Variants in ASIC2 observed in about 807,000 individuals in gnomAD.
ASIC2 encodes the protein acid-sensing ion channel 2.
A neutral mutation model predicts 57.3 loss-of-function variants in ASIC2; 25 were observed. The ratio of observed to expected loss-of-function variants is 0.44; its 90% CI spans 0.32 to 0.61. The LOEUF is 0.61. ASIC2 is among the 20% of genes least tolerant of loss of function. The pLI, the probability that ASIC2 is intolerant of heterozygous loss-of-function variation, is 0.06. For missense variants in ASIC2, 641 were observed against 738.1 expected, an observed-to-expected ratio of 0.87 and a Z score of 1.52; for synonymous variants, 319 against 307.5, an observed-to-expected ratio of 1.04 and a Z score of -0.39.
At chr17:33,517,704 T>C (rs1264324355) in intron 1 of ASIC2, among the ~76,000 whole-genome samples, 2 of 91,168 alleles carry the variant, frequency 2.2e-5, no homozygotes, top group East Asian at 7.1e-4. Flanking sequence ...TGTTGTGGGG[T>C]TGGGGGAGGG....
intron 1 of ASIC2, among the ~76,000 whole-genome samples, chr17:33,346,967 C>T (rs412602): frequency 0.61 from 92,445 of 151,974 alleles, 28,237 homozygotes; most frequent in Middle Eastern, 0.69. Context: ...AAAAGTTTTG[C>T]TGTGAAGAGA....
At chr17:33,915,607 C>T (rs1166087391) in intron 1 of ASIC2, among the ~76,000 whole-genome samples, 2 of 152,168 alleles carry the variant, frequency 1.3e-5, no homozygotes, top group Non-Finnish European at 1.5e-5. Flanking sequence ...ATCACACACT[C>T]GATACTTAAC....
chr17:33,805,858 C>A (rs1912253267), intron 1 of ASIC2, among the ~76,000 whole-genome samples: 1 of 152,192 alleles, frequency 6.6e-6, no homozygotes, highest in African/African-American at 2.4e-5. Flanking sequence ...TCCCTTGGAG[C>A]TAATATTACA....
intron 1 of ASIC2, among the ~76,000 whole-genome samples, chr17:34,132,257 G>A (rs1375150305): frequency 6.6e-6 from 1 of 152,142 alleles, no homozygotes; most frequent in Non-Finnish European, 1.5e-5. Flanking sequence ...CGAAGCCGGG[G>A]ACCTTTGTGG....
chr17:33,021,065 G>A lies in ASIC2; in HGVS notation c.1441+154C>T, dbSNP rs2091833337. ...TTCTTTCCATTCTGGGAGAGGAGCA[G>A]TGCAAGGAAACAGGGAGTAATTATT... On this transcript the variant is annotated intron_variant, in intron 7 of 9. Transcript: ENST00000225823. Among the ~76,000 whole-genome samples, 3 of 152,188 alleles carry A rather than the reference G, an allele frequency of 2.0e-5. No homozygotes were observed. The South Asian group carries it at 6.2e-4, about 32-fold the overall frequency.
At position 33,914,026 on chromosome 17, in the gene ASIC2, C is replaced by T. The variant is rs574026909; in HGVS notation, c.555+241952G>A. Among the ~76,000 whole-genome samples the T allele has an allele frequency of 7.9e-5, 12 of 152,158 alleles. No homozygotes were observed. In the South Asian group the frequency reaches 1.2e-3, roughly 16 times the overall value. On this transcript the variant is annotated intron_variant, in intron 1 of 9. Coordinates refer to the ASIC2 transcript ENST00000359872. ...TTACTTACTAAACTTTATCGCAGGG[C>T]GAGACCATAATCCCAGGGAATCATA...
intron 1 of ASIC2, among the ~76,000 whole-genome samples, chr17:33,998,932 T>C (rs1906245815): frequency 6.6e-6 from 1 of 152,190 alleles, no homozygotes; most frequent in Admixed American, 6.5e-5. Flanking sequence ...ATTTTCTGTC[T>C]TCATGATCTA....
intron 1 of ASIC2, among the ~76,000 whole-genome samples, chr17:33,402,995 G>T (rs942419655): frequency 6.6e-6 from 1 of 152,174 alleles, no homozygotes; most frequent in Non-Finnish European, 1.5e-5. Flanking sequence ...AAATAGGAAC[G>T]CTTTTATACT....
chr17:33,184,064 A>G (rs914047892), intron 1 of ASIC2, among the ~76,000 whole-genome samples: 1 of 152,182 alleles, frequency 6.6e-6, no homozygotes, highest in African/African-American at 2.4e-5. Flanking sequence ...ATTAAATAGT[A>G]CTGAGTTAAT....
intron 2 of ASIC2, among the ~76,000 whole-genome samples, chr17:33,093,524 T>C (rs16968003): frequency 0.018 from 2,747 of 152,078 alleles, 71 homozygotes; most frequent in African/African-American, 0.063. Context: ...TGTTAATTGG[T>C]ACCAAGCTGA....
At chr17:33,766,886 A>C (rs769605546) in intron 1 of ASIC2, among the ~76,000 whole-genome samples, 92 of 152,280 alleles carry the variant, frequency 6.0e-4, no homozygotes, top group Admixed American at 9.2e-4. Context: ...TTTATTTGTC[A>C]GTGGATTTTG....
chr17:33,846,359 C>T (rs1225365301), intron 1 of ASIC2, among the ~76,000 whole-genome samples: 1 of 152,146 alleles, frequency 6.6e-6, no homozygotes, highest in Non-Finnish European at 1.5e-5. Context: ...TAGCCACTTG[C>T]TTCACCTGCC....
intron 1 of ASIC2, among the ~76,000 whole-genome samples, chr17:33,584,868 C>G (rs1057305408): frequency 6.6e-6 from 1 of 152,068 alleles, no homozygotes; most frequent in African/African-American, 2.4e-5. Flanking sequence ...ATGAGAGAGA[C>G]ACCGATGGCC....
In ASIC2 at chr17:33,178,169, A is replaced by C. The variant is rs1045431434; in HGVS notation, c.709-66102T>G. Among the ~76,000 whole-genome samples the C allele has an allele frequency of 3.9e-5, 6 of 152,230 alleles. No homozygotes were observed. In the East Asian group the frequency reaches 1.2e-3, roughly 29 times the overall value. ...ATTTTAGGTGTTCTCACCATAAAAA[A>C]GTTTGCAAGGTAATGCATATGTTCA... is the stretch of plus-strand genomic sequence containing the variant. On this transcript the variant is annotated intron_variant, in intron 1 of 9. Coordinates refer to ENST00000225823, the MANE Select transcript of ASIC2 (RefSeq NM_183377.2).
At chr17:33,490,405 C>A (rs890988133) in intron 1 of ASIC2, among the ~76,000 whole-genome samples, 1 of 152,236 alleles carries the variant, frequency 6.6e-6, no homozygotes, top group African/African-American at 2.4e-5. Context: ...GGCTGGATAA[C>A]TGCAATGAAG....
chr17:33,120,777 T>C (rs571742742), intron 1 of ASIC2, among the ~76,000 whole-genome samples: 1 of 152,348 alleles, frequency 6.6e-6, no homozygotes, highest in South Asian at 2.1e-4. Context: ...CTCTACTGTC[T>C]GTCTCCTGTA....
intron 1 of ASIC2, among the ~76,000 whole-genome samples, chr17:33,943,952 C>G (rs1916250328): frequency 6.6e-6 from 1 of 152,016 alleles, no homozygotes; most frequent in South Asian, 2.1e-4. Flanking sequence ...TTATTTTTAA[C>G]TATAAAAATT....
At chr17:33,494,379 C>A in intron 1 of ASIC2, among the ~76,000 whole-genome samples, 1 of 152,168 alleles carries the variant, frequency 6.6e-6, no homozygotes. Flanking sequence ...TGTTTGGAGC[C>A]AAGACTAATG....
intron 1 of ASIC2, among the ~76,000 whole-genome samples, chr17:33,750,057 C>G (rs1339040752): frequency 6.6e-6 from 1 of 152,174 alleles, no homozygotes; most frequent in Non-Finnish European, 1.5e-5. Flanking sequence ...TCCTCACTTC[C>G]TTCCTCTACT....
Sources: gnomAD v4.1 joint callset for allele counts (sites outside exome capture counted in the v4.1 genomes callset) on GRCh38, gnomAD v4.1.1 for gene constraint, MANE v1.5 for transcripts, NCBI Gene and HGNC (gene_info 2026-07-23, HGNC 2026-07-21) for gene names.